Variants in TAFA5 observed in about 807,000 individuals in gnomAD.
TAFA5 encodes the protein TAFA chemokine like family member 5, also known as chemokine-like protein TAFA-5.
TAFA5 carries 6 observed loss-of-function variants against 15.3 expected under a neutral mutation model. That is an observed-to-expected ratio of 0.39 (90% CI 0.21 to 0.77). The LOEUF is 0.77. TAFA5 is among the 30% of genes least tolerant of loss of function. The pLI, the probability that TAFA5 is intolerant of heterozygous loss-of-function variation, is 0.41. For synonymous variants in TAFA5, 103 were observed against 80.7 expected (o/e 1.28, Z -1.48); for missense variants, 161 against 193.1 (o/e 0.83, Z 0.98).
intron 1 of TAFA5, among the ~76,000 whole-genome samples, chr22:48,587,841 CT>C (rs1924417696): frequency 6.6e-6 from 1 of 152,270 alleles, no homozygotes; most frequent in Non-Finnish European, 1.5e-5. Context: ...AGGCCTGGAG[CT>C]TGGAGGACTC....
intron 1 of TAFA5, among the ~76,000 whole-genome samples, chr22:48,533,249 G>A (rs924600940): frequency 8.5e-5 from 13 of 152,160 alleles, no homozygotes; most frequent in Non-Finnish European, 1.8e-4. Context: ...AAGTCTCATC[G>A]ATGCCCTGGT....
intron 1 of TAFA5, among the ~76,000 whole-genome samples, chr22:48,517,631 TGGGC>T (rs1921457632): frequency 6.6e-6 from 1 of 152,128 alleles, no homozygotes; most frequent in Non-Finnish European, 1.5e-5. Context: ...CGCCGGGCCC[TGGGC>T]CACCAGAGGC....
chr22:48,610,978 A>AG (rs1428871039), intron 1 of TAFA5, among the ~76,000 whole-genome samples: 2 of 149,120 alleles, frequency 1.3e-5, no homozygotes, highest in Non-Finnish European at 3.0e-5. Flanking sequence ...TTTATTGTCC[A>AG]GCTGGAGCAC....
At position 48,560,484 on chromosome 22, in the gene TAFA5, G is replaced by C. The variant is rs1255071455; in HGVS notation, c.112+70780G>C. 6.6e-6 allele frequency among the ~76,000 whole-genome samples: 1 copy of C among 152,224 alleles called. No individual in the cohort carries two copies. The highest frequency in any genetic ancestry group is 2.4e-5 in the African/African-American group (1 of 41,448). On this transcript the variant is annotated intron_variant, in intron 1 of 3. Coordinates refer to ENST00000402357, the MANE Select transcript of TAFA5 (RefSeq NM_001082967.3). This position sits in a 1 kb window ranked among gnomAD's most constrained non-coding sequence, Gnocchi z 4.2. ...AGGACAGTGCCAGCAGGCGCCCCCAGTGTGAACTAATGTGAGGTGCTTTCA... is the reference window on the plus strand; with the variant it reads ...AGGACAGTGCCAGCAGGCGCCCCCACTGTGAACTAATGTGAGGTGCTTTCA...
At chr22:48,602,844 C>T (rs1925024536) in intron 1 of TAFA5, among the ~76,000 whole-genome samples, 1 of 152,138 alleles carries the variant, frequency 6.6e-6, no homozygotes. Context: ...AACCTGGGCC[C>T]TGAGAGGTTA....
chr22:48,522,388 G>T lies in TAFA5; in HGVS notation c.112+32684G>T, dbSNP rs181818296. On this transcript the variant is annotated intron_variant, in intron 1 of 3. Transcript: ENST00000402357. ...GGATGCAGACCCCCCAGGTCCGGAGGCGGCCACCTCCCATCCACTGGCACC... is the reference window on the plus strand; with the variant it reads ...GGATGCAGACCCCCCAGGTCCGGAGTCGGCCACCTCCCATCCACTGGCACC... Among the ~76,000 whole-genome samples the T allele has an allele frequency of 7.2e-3, 1,099 of 152,172 alleles. 11 individuals are homozygous for T. The highest frequency in any genetic ancestry group is 0.025 in the African/African-American group (1,050 of 41,492).
intron 1 of TAFA5, among the ~76,000 whole-genome samples, chr22:48,615,197 G>A (rs28390081): frequency 0.014 from 2,202 of 152,258 alleles, 42 homozygotes; most frequent in African/African-American, 0.038. Context: ...AGAGAGCTGC[G>A]TTGGGGAAGA....
chr22:48,584,382 C>T (rs1387986175), intron 1 of TAFA5, among the ~76,000 whole-genome samples: 8 of 149,934 alleles, frequency 5.3e-5, no homozygotes, highest in Non-Finnish European at 8.9e-5. Context: ...ACACACCACA[C>T]GCACAGTACA....
intron 1 of TAFA5, among the ~76,000 whole-genome samples, chr22:48,561,048 G>C (rs889795599): frequency 2.6e-5 from 4 of 152,180 alleles, no homozygotes; most frequent in African/African-American, 9.7e-5. Context: ...GCTGTGGCAG[G>C]CTCTGCTCTT....
intron 3 of TAFA5, among the ~76,000 whole-genome samples, chr22:48,744,336 C>T (rs560628510): frequency 9.7e-4 from 148 of 152,316 alleles, no homozygotes; most frequent in African/African-American, 3.3e-3. Context: ...CTGGTGACCC[C>T]AGATGAGGGC....
intron 2 of TAFA5, among the ~76,000 whole-genome samples, chr22:48,672,707 C>T (rs899730248): frequency 2.6e-5 from 4 of 152,198 alleles, no homozygotes; most frequent in African/African-American, 9.6e-5. Flanking sequence ...GATTCTGATG[C>T]ATCATTGCAT....
intron 2 of TAFA5, among the ~76,000 whole-genome samples, chr22:48,656,430 C>T (rs373980915): frequency 2.0e-5 from 3 of 151,496 alleles, no homozygotes; most frequent in Admixed American, 6.6e-5. Flanking sequence ...TGCTTGAACC[C>T]GGGAGGCGGA....
At chr22:48,730,690 G>A (rs566797539) in intron 3 of TAFA5, among the ~76,000 whole-genome samples, 2 of 152,226 alleles carry the variant, frequency 1.3e-5, no homozygotes, top group Admixed American at 1.3e-4. Context: ...GAGGTTTGAT[G>A]TGACTATGGC....
chr22:48,496,645 GGGGTCT>G (rs2147093328), intron 1 of TAFA5, among the ~76,000 whole-genome samples: 1 of 152,308 alleles, frequency 6.6e-6, no homozygotes, highest in Admixed American at 6.5e-5. Flanking sequence ...TGGGCACAGA[GGGGTCT>G]GGCTCTACCT....
At chr22:48,698,062 CATAATGATGGTGATGGTGATGGTGGTG>C (rs1253078466) in intron 2 of TAFA5, among the ~76,000 whole-genome samples, 1 of 67,222 alleles carries the variant, frequency 1.5e-5, no homozygotes, top group Non-Finnish European at 2.7e-5. Context: ...AGGATGATGT[CATAATGATGGTGATGGTGATGGTGGTG>C]ATAATGGTGG....
At chr22:48,702,936 T>G (rs1343837197) in intron 2 of TAFA5, among the ~76,000 whole-genome samples, 4 of 152,324 alleles carry the variant, frequency 2.6e-5, no homozygotes, top group Admixed American at 2.0e-4. Context: ...GCTGGTGCCC[T>G]CGGGAGGGCC....
At chr22:48,700,923 A>G (rs915215648) in intron 2 of TAFA5, among the ~76,000 whole-genome samples, 3 of 152,144 alleles carry the variant, frequency 2.0e-5, no homozygotes, top group African/African-American at 7.2e-5. Context: ...CTCCCATGCC[A>G]TCTGCCCAGC....
In TAFA5 at chr22:48,655,711, C is replaced by T. The variant is rs541859944; in HGVS notation, c.262+8965C>T. 5.3e-5 allele frequency among the ~76,000 whole-genome samples: 8 copies of T among 152,102 alleles called. No homozygotes were observed. In the South Asian group the frequency reaches 6.2e-4, roughly 12 times the overall value. On this transcript the variant is annotated intron_variant, in intron 2 of 3. Coordinates refer to ENST00000402357, the MANE Select transcript of TAFA5 (RefSeq NM_001082967.3). Reference sequence around the variant, plus strand: ...TTTAGAAATACGTGAATGTTCTTAACGCAGCTGTGGCCTCAAGCAGGTCCC... The same window carrying T: ...TTTAGAAATACGTGAATGTTCTTAATGCAGCTGTGGCCTCAAGCAGGTCCC...
intron 1 of TAFA5, among the ~76,000 whole-genome samples, chr22:48,498,954 C>T (rs957670633): frequency 6.6e-6 from 1 of 152,190 alleles, no homozygotes; most frequent in Admixed American, 6.5e-5. Context: ...GACGGGCCAG[C>T]GTGGGGGTCT....
Sources: allele counts gnomAD v4.1 joint callset (sites outside exome capture counted in the v4.1 genomes callset), GRCh38; gene constraint gnomAD v4.1.1; non-coding constraint Gnocchi (gnomAD v3.1); transcripts MANE v1.5; gene names NCBI Gene and HGNC (gene_info 2026-07-23, HGNC 2026-07-21).